Variants in NUDCD1 observed in about 807,000 individuals in gnomAD.
NUDCD1 encodes the protein nudC domain-containing protein 1.
In NUDCD1, 60 loss-of-function variants were observed where a neutral mutation model predicts 67.8. The observed-to-expected ratio is 0.88, with a 90% CI of 0.72 to 1.10. NUDCD1 has a LOEUF of 1.10. Ranked by LOEUF, NUDCD1 falls within the 50% of genes least tolerant of loss-of-function variation. The pLI, the probability that NUDCD1 is intolerant of heterozygous loss-of-function variation, is 0.00. For synonymous variants in NUDCD1, 244 were observed against 230.8 expected, an observed-to-expected ratio of 1.06 and a Z score of -0.52; for missense variants, 643 against 695.0, an observed-to-expected ratio of 0.93 and a Z score of 0.84.
At chr8:109,321,419 C>G (rs1815533844) in intron 2 of NUDCD1, among the ~76,000 whole-genome samples, 1 of 152,072 alleles carries the variant, frequency 6.6e-6, no homozygotes, top group Non-Finnish European at 1.5e-5. Context: ...TCAAGGAAAA[C>G]ACTATAACCT....
chr8:109,264,771 A>C (rs1164673268), intron 8 of NUDCD1, among the ~76,000 whole-genome samples: 1 of 152,100 alleles, frequency 6.6e-6, no homozygotes, highest in East Asian at 1.9e-4. Context: ...TTGAATGCAG[A>C]AGCAGATATA....
At position 109,311,559 on chromosome 8, in the gene NUDCD1, G is replaced by GTGTGTATATATATATATA; in HGVS notation, c.273+10749_273+10750insTATATATATATATACACA. 1.8e-4 allele frequency among the ~76,000 whole-genome samples: 22 copies of GTGTGTATATATATATATA among 125,140 alleles called. 1 individual carries two copies. The highest frequency in any genetic ancestry group is 1.2e-3 in the South Asian group (4 of 3,238). 82.1% of individuals were successfully genotyped at this position (125,140 alleles called of 152,430 possible). ...AATGAGTGGATAAAGAAACTGTGGT[G>GTGTGTATATATATATATA]TATATATATATATGATGGGATACTG... On this transcript the variant is annotated intron_variant, in intron 2 of 9. Coordinates refer to ENST00000239690, the MANE Select transcript of NUDCD1 (RefSeq NM_032869.4).
intron 7 of NUDCD1, among the ~76,000 whole-genome samples, chr8:109,273,923 G>A (rs1258286439): frequency 2.6e-5 from 4 of 151,896 alleles, no homozygotes; most frequent in African/African-American, 9.7e-5. Flanking sequence ...AAATCCCCAA[G>A]AAAATATGAG....
At chr8:109,249,801 A>G (rs1267735314) in intron 8 of NUDCD1, among the ~76,000 whole-genome samples, 1 of 152,058 alleles carries the variant, frequency 6.6e-6, no homozygotes, top group Non-Finnish European at 1.5e-5. Context: ...ACGGAGAGAC[A>G]TAAGAATCCC....
chr8:109,298,816 T>C (rs1814906843), intron 2 of NUDCD1: 1 of 152,230 alleles, frequency 6.6e-6, no homozygotes, highest in African/African-American at 2.4e-5. Context: ...CCTCGCATCA[T>C]GATTTTTTGC....
At chr8:109,310,801 T>G (rs1268154577) in intron 2 of NUDCD1, among the ~76,000 whole-genome samples, 2 of 142,358 alleles carry the variant, frequency 1.4e-5, no homozygotes, top group Admixed American at 7.2e-5. Flanking sequence ...AGGACGTGAA[T>G]AGACAATTCT....
chr8:109,286,485 C>T (rs375301262), intron 5 of NUDCD1, among the ~76,000 whole-genome samples: 60 of 152,110 alleles, frequency 3.9e-4, no homozygotes, highest in African/African-American at 9.4e-4. Context: ...ACACCTATAC[C>T]CATCTGACAA....
intron 8 of NUDCD1, among the ~76,000 whole-genome samples, chr8:109,257,964 T>C (rs1458925): frequency 0.51 from 77,173 of 151,866 alleles, 20,430 homozygotes; most frequent in African/African-American, 0.65. Context: ...CTGTAGGTTT[T>C]TGTTTTACTC....
chr8:109,294,845 G>A (rs74373081), intron 3 of NUDCD1, among the ~76,000 whole-genome samples: 5,816 of 151,736 alleles, frequency 0.038, 356 homozygotes, highest in East Asian at 0.24. Flanking sequence ...ACCATGCTCC[G>A]TAATCACTTC....
At chr8:109,330,403 A>G (rs1431385935) in intron 1 of NUDCD1, among the ~76,000 whole-genome samples, 1 of 152,258 alleles carries the variant, frequency 6.6e-6, no homozygotes, top group Non-Finnish European at 1.5e-5. Context: ...TTGTGGAACT[A>G]AAGTGAACTC....
At chr8:109,259,428 T>C (rs1013575948) in intron 8 of NUDCD1, among the ~76,000 whole-genome samples, 3 of 152,198 alleles carry the variant, frequency 2.0e-5, no homozygotes, top group Admixed American at 6.5e-5. Context: ...AGCTTGCAAG[T>C]AGGCTAAAAA....
At chr8:109,274,160 C>T (rs865973908) in intron 7 of NUDCD1, among the ~76,000 whole-genome samples, 3 of 152,224 alleles carry the variant, frequency 2.0e-5, no homozygotes, top group East Asian at 1.9e-4. Flanking sequence ...TTTTACCATT[C>T]GAGAGTTCTA....
intron 8 of NUDCD1, among the ~76,000 whole-genome samples, chr8:109,270,069 G>C (rs1401276394): frequency 2.2e-5 from 1 of 46,032 alleles, no homozygotes; most frequent in East Asian, 8.6e-4. Flanking sequence ...GGCGGGGGCG[G>C]GGGGGGGGGG....
rs1813362230 is a variant in NUDCD1 at position 109,241,398 on chromosome 8, T to C, written c.*1611A>G. The C allele has an allele frequency of 6.6e-6, 1 of 152,192 alleles. No individual in the cohort carries two copies. Among genetic ancestry groups the C allele is most frequent in the African/African-American group, 2.4e-5 (1 of 41,456 alleles). The allele number at this position is 152,192 out of a possible 1,614,324, so 9.4% of individuals were successfully genotyped here. A position where few individuals can be genotyped will look rare whatever the true frequency, so the allele number is the denominator to read the frequency against. Reference sequence around the variant, plus strand: ...TCTACTTTCCCATCATAAAGATTTTTAATAATTCACTATTTAAATGGTCTT... The same window carrying C: ...TCTACTTTCCCATCATAAAGATTTTCAATAATTCACTATTTAAATGGTCTT... On this transcript the variant is annotated 3_prime_UTR_variant, in exon 10 of 10. Coordinates refer to ENST00000239690, the MANE Select transcript of NUDCD1 (RefSeq NM_032869.4).
intron 2 of NUDCD1, among the ~76,000 whole-genome samples, chr8:109,308,120 T>C (rs1417787615): frequency 6.6e-6 from 1 of 152,300 alleles, no homozygotes; most frequent in Non-Finnish European, 1.5e-5. Context: ...CTGGAACAAA[T>C]GGACTTAACA....
At chr8:109,244,113 T>A (rs769103019) in intron 9 of NUDCD1, among the ~76,000 whole-genome samples, 1 of 151,652 alleles carries the variant, frequency 6.6e-6, no homozygotes, top group African/African-American at 2.4e-5. Flanking sequence ...AAAATTGAGA[T>A]CTCATCAAAC....
At chr8:109,251,851 T>C (rs1813630024) in intron 8 of NUDCD1, among the ~76,000 whole-genome samples, 2 of 152,128 alleles carry the variant, frequency 1.3e-5, no homozygotes, top group African/African-American at 2.4e-5. Context: ...AAGCTTAAAG[T>C]ACTAAATTGG....
chr8:109,291,430 C>CCTTT (rs1485525207), intron 4 of NUDCD1, among the ~76,000 whole-genome samples: 1 of 152,146 alleles, frequency 6.6e-6, no homozygotes, highest in African/African-American at 2.4e-5. Flanking sequence ...CAGGCATGAG[C>CCTTT]CTTTGCATCT....
intron 8 of NUDCD1, among the ~76,000 whole-genome samples, chr8:109,253,151 A>G (rs1370347601): frequency 6.6e-6 from 1 of 152,206 alleles, no homozygotes; most frequent in East Asian, 1.9e-4. Flanking sequence ...TCTCGAACAG[A>G]TGCTTCCCAT....
Sources: allele counts gnomAD v4.1 joint callset (sites outside exome capture counted in the v4.1 genomes callset), GRCh38; gene constraint gnomAD v4.1.1; transcripts MANE v1.5; gene names NCBI Gene and HGNC (gene_info 2026-07-23, HGNC 2026-07-21).